CELF2: variants seen among roughly 807,000 people sequenced by gnomAD.
CELF2 encodes the protein CUG triplet repeat RNA-binding protein 2.
Under a neutral mutation model 62.6 loss-of-function variants are expected in CELF2, and 8 were observed. That is an observed-to-expected ratio of 0.13 (90% CI 0.07 to 0.23). The LOEUF is 0.23. CELF2 is among the 10% of genes least tolerant of loss of function. The pLI, the probability that CELF2 is intolerant of heterozygous loss-of-function variation, is 1.00. For missense variants in CELF2, 333 were observed against 671.0 expected (o/e 0.50, Z 5.56); for synonymous variants, 258 against 250.0 (o/e 1.03, Z -0.30).
At chr10:10,800,033 T>C (rs2054501222) in intron 1 of CELF2, among the ~76,000 whole-genome samples, 1 of 151,030 alleles carries the variant, frequency 6.6e-6, no homozygotes, top group Non-Finnish European at 1.5e-5. Context: ...TTCCTGACAT[T>C]TGTGTTGTAT....
chr10:10,605,230 A>G, the CELF2 span, among the ~76,000 whole-genome samples: 1 of 151,132 alleles, frequency 6.6e-6, no homozygotes, highest in Non-Finnish European at 1.5e-5. Context: ...ATGAGAACAC[A>G]TGGACACAGG....
chr10:10,810,510 C>T (rs537803541), intron 1 of CELF2, among the ~76,000 whole-genome samples: 1 of 152,058 alleles, frequency 6.6e-6, no homozygotes, highest in Non-Finnish European at 1.5e-5. Context: ...GGGCAGCTGG[C>T]CTCAGGTTCC....
chr10:11,006,446 C>G (rs1047278973), intron 1 of CELF2, among the ~76,000 whole-genome samples: 43 of 152,184 alleles, frequency 2.8e-4, no homozygotes, highest in African/African-American at 9.9e-4. Flanking sequence ...TCTCTGTTAA[C>G]TACTGAAAGA....
chr10:11,286,388 G>T (rs1417271041), intron 8 of CELF2, among the ~76,000 whole-genome samples: 1 of 152,224 alleles, frequency 6.6e-6, no homozygotes, highest in Admixed American at 6.5e-5. Flanking sequence ...TGGTGGTGTG[G>T]TCTGGTCATG....
chr10:11,113,009 A>G (rs2055607749), intron 1 of CELF2, among the ~76,000 whole-genome samples: 2 of 152,298 alleles, frequency 1.3e-5, no homozygotes, highest in African/African-American at 2.4e-5. Flanking sequence ...TCGTGAGTAA[A>G]CGCAATGCAT....
At chr10:10,690,454 A>G in the CELF2 span, among the ~76,000 whole-genome samples, 1 of 152,322 alleles carries the variant, frequency 6.6e-6, no homozygotes, top group South Asian at 2.1e-4. Context: ...TACACTGTAT[A>G]AAATACAGTG....
chr10:11,265,217 A>G (rs912869998), intron 5 of CELF2, among the ~76,000 whole-genome samples: 5 of 152,238 alleles, frequency 3.3e-5, no homozygotes, highest in Non-Finnish European at 5.9e-5. Context: ...AATGCAGAAT[A>G]TTCTATTTTG....
At chr10:11,053,444 A>G (rs1270483308) in intron 1 of CELF2, among the ~76,000 whole-genome samples, 3 of 152,122 alleles carry the variant, frequency 2.0e-5, no homozygotes, top group Non-Finnish European at 2.9e-5. Context: ...ATCAGTTTCA[A>G]GTATGTGTTG....
rs1341024000 is a variant in CELF2 at position 11,334,177 on chromosome 10, G to A, written c.*5124G>A. 6 of 152,640 alleles carry A rather than the reference G, an allele frequency of 3.9e-5. No homozygotes were observed. The highest frequency in any genetic ancestry group is 7.3e-5 in the Non-Finnish European group (5 of 68,042). 9.5% of individuals were successfully genotyped at this position (152,640 alleles called of 1,614,324 possible). A position where few individuals can be genotyped will look rare whatever the true frequency, so the allele number is the denominator to read the frequency against. ...ACTCAGTCACTTTAAGTGGATAAAT[G>A]TATTAGTTAAAACTTTAGGGTTTGC... is the stretch of plus-strand genomic sequence containing the variant. On this transcript the variant is annotated 3_prime_UTR_variant, in exon 13 of 13. Coordinates refer to ENST00000633077, the MANE Select transcript of CELF2 (RefSeq NM_001326342.2).
rs1225339071 is a variant in CELF2 at position 11,223,667 on chromosome 10, C to A, written c.354+6160C>A. On this transcript the variant is annotated intron_variant, in intron 3 of 12. Transcript: ENST00000633077. The surrounding 1 kb of genome is among the most constrained non-coding windows in gnomAD (Gnocchi z 5.1). ...GAGTCCTTGAGGGTGCAGAAGCTCCCTTCCCCCTGCAGGAGTCACAGCAGT... is the reference window on the plus strand; with the variant it reads ...GAGTCCTTGAGGGTGCAGAAGCTCCATTCCCCCTGCAGGAGTCACAGCAGT... Among the ~76,000 whole-genome samples, 1 of 152,220 alleles carries A rather than the reference C, an allele frequency of 6.6e-6. No homozygotes were observed. Among genetic ancestry groups the A allele is most frequent in the African/African-American group, 2.4e-5 (1 of 41,460 alleles).
the CELF2 span, among the ~76,000 whole-genome samples, chr10:10,493,797 G>A: frequency 6.6e-6 from 1 of 152,140 alleles, no homozygotes; most frequent in Non-Finnish European, 1.5e-5. Context: ...CTCCCAAAGT[G>A]CTGGGATTAC....
intron 1 of CELF2, among the ~76,000 whole-genome samples, chr10:11,163,668 T>C (rs1167384087): frequency 6.6e-6 from 1 of 152,202 alleles, no homozygotes; most frequent in African/African-American, 2.4e-5. Context: ...GCTCTGAAAA[T>C]GCTTCAAGTT....
At position 11,086,024 on chromosome 10, in the gene CELF2, A is replaced by G. The variant is rs146583263; in HGVS notation, c.74+67861A>G. On this transcript the variant is annotated intron_variant, in intron 1 of 12. Transcript: ENST00000633077. ...TAATACACGTGAAAGTGCTTAGGAG[A>G]ACTTCATAAATGTTAGCTATTGTTA... Among the ~76,000 whole-genome samples the G allele has an allele frequency of 2.6e-4, 40 of 152,246 alleles. No homozygotes were observed. In the East Asian group the frequency reaches 7.6e-3, roughly 29 times the overall value.
At chr10:10,932,732 T>C (rs1472966802) in intron 2 of CELF2, among the ~76,000 whole-genome samples, 1 of 151,998 alleles carries the variant, frequency 6.6e-6, no homozygotes, top group Non-Finnish European at 1.5e-5. Context: ...AAGTAACATA[T>C]ACCTGGACCA....
At position 11,309,239 on chromosome 10, in the gene CELF2, A is replaced by G. The variant is rs1158614423; in HGVS notation, c.977-4900A>G. 6.6e-6 allele frequency among the ~76,000 whole-genome samples: 1 copy of G among 152,216 alleles called. No homozygotes were observed. Among genetic ancestry groups the G allele is most frequent in the East Asian group, 1.9e-4 (1 of 5,204 alleles). On this transcript the variant is annotated intron_variant, in intron 9 of 12. Coordinates refer to ENST00000633077, the MANE Select transcript of CELF2 (RefSeq NM_001326342.2). This position sits in a 1 kb window ranked among gnomAD's most constrained non-coding sequence, Gnocchi z 5.6. ...TTAACAACAGGACATTGTAGATGTT[A>G]CAGCACTTCTGGGTGCTAATCCTCC...
At chr10:11,301,970 G>A (rs2093802747) in intron 9 of CELF2, among the ~76,000 whole-genome samples, 1 of 152,164 alleles carries the variant, frequency 6.6e-6, no homozygotes, top group Non-Finnish European at 1.5e-5. Context: ...CGCCTTCGCT[G>A]GAACCGCCTG....
chr10:10,628,060 G>A, the CELF2 span, among the ~76,000 whole-genome samples: 422 of 152,134 alleles, frequency 2.8e-3, 1 homozygote, highest in Non-Finnish European at 4.4e-3. Context: ...CCGCCACCAC[G>A]CCTAGCTCAT....
At chr10:11,104,085 A>G (rs1339772022) in intron 1 of CELF2, among the ~76,000 whole-genome samples, 1 of 152,218 alleles carries the variant, frequency 6.6e-6, no homozygotes, top group Non-Finnish European at 1.5e-5. Flanking sequence ...CATTAATCTG[A>G]TGATCACTGA....
chr10:11,260,663 T>A lies in CELF2; in HGVS notation c.538+2791T>A, dbSNP rs1058350. Among the ~76,000 whole-genome samples, 7,066 of 151,476 alleles carry A rather than the reference T, an allele frequency of 0.047. 568 individuals are homozygous for A. The highest frequency in any genetic ancestry group is 0.16 in the African/African-American group (6,667 of 41,180). ...CCTCCCCATCTGTTTTTTTTTTTTT[T>A]AAACAGCAGAAAAGTAATTTCTGGT... is the stretch of plus-strand genomic sequence containing the variant. On this transcript the variant is annotated intron_variant, in intron 5 of 12. Transcript: ENST00000633077. This position sits in a 1 kb window ranked among gnomAD's most constrained non-coding sequence, Gnocchi z 4.2.
Sources: allele counts gnomAD v4.1 joint callset (sites outside exome capture counted in the v4.1 genomes callset), GRCh38; gene constraint gnomAD v4.1.1; non-coding constraint Gnocchi (gnomAD v3.1); transcripts MANE v1.5; gene names NCBI Gene and HGNC (gene_info 2026-07-23, HGNC 2026-07-21).